SNX32: variants seen among roughly 807,000 people sequenced by gnomAD.
SNX32 encodes sorting nexin-32.
In SNX32, 58 loss-of-function variants were observed where a neutral mutation model predicts 57.0. That is an observed-to-expected ratio of 1.02 (90% CI 0.82 to 1.27). The LOEUF (loss-of-function observed/expected upper bound fraction) is 1.27. Among genes scored for constraint, SNX32 ranks in the 50% most tolerant of loss-of-function variants. The pLI is 0.00. For missense variants in SNX32, 589 were observed against 541.2 expected, an observed-to-expected ratio of 1.09 and a Z score of -0.88; for synonymous variants, 262 against 220.4, an observed-to-expected ratio of 1.19 and a Z score of -1.67.
chr11:65,851,279 G>A (rs1320747923), intron 7 of SNX32, 49 bp from the exon 8 acceptor site: 3 of 1,609,920 alleles, frequency 1.9e-6, no homozygotes, highest in South Asian at 1.1e-5. Context: ...CAAGCACCAA[G>A]GCTTGACATG....
Position 65,852,778 on chromosome 11 carries a change from C to T in SNX32, c.1061C>T (p.Ser354Phe). 1 of 1,610,070 alleles carries T rather than the reference C, an allele frequency of 6.2e-7. No homozygotes were observed. The highest frequency in any genetic ancestry group is 8.5e-7 in the Non-Finnish European group (1 of 1,178,154). The change falls in exon 11 of 13, where the codon TCC (serine) becomes TTC (phenylalanine). Residue 354 changes from serine (S) to phenylalanine (F), a missense_variant. Ser to Phe is a radical substitution (Grantham distance 155). Coordinates refer to ENST00000308342, the MANE Select transcript of SNX32 (RefSeq NM_152760.3). ...CAACGCTTCGAGCGCCTCTCCGACT[C>T]CGCCAAGCAAGGTGAGCCCGCAGCC... ...CCQRFERLSDSAKQELMDFKS... is the reference protein window; with the variant it reads ...CCQRFERLSDFAKQELMDFKS...
At position 65,849,426 on chromosome 11, in the gene SNX32, A is replaced by G. The variant is rs1859092410; in HGVS notation, c.37-52A>G. On this transcript the variant is annotated intron_variant, in intron 1 of 12. Coordinates refer to ENST00000308342, the MANE Select transcript of SNX32 (RefSeq NM_152760.3). The stretch of plus-strand genomic sequence containing the variant: ...GGATCAGAAAGCCTGCAGGGCAAGG[A>G]AGGGCAAAGGGGCCATGCTCAGCCA... The G allele has an allele frequency of 4.2e-6, 6 of 1,427,478 alleles. No individual in the cohort carries two copies. The Admixed American group carries it at 9.3e-5, about 22-fold the overall frequency. The allele number at this position is 1,427,478 out of a possible 1,614,324, so 88.4% of individuals were successfully genotyped here. A position where few individuals can be genotyped will look rare whatever the true frequency, so the allele number is the denominator to read the frequency against.
Position 65,851,056 on chromosome 11 carries a change from A to T in SNX32, c.605A>T (p.Glu202Val), listed in dbSNP as rs1011761910. The T allele has an allele frequency of 1.2e-6, 2 of 1,613,342 alleles. No homozygotes were observed. Among genetic ancestry groups the T allele is most frequent in the Admixed American group, 1.7e-5 (1 of 60,026 alleles). The change falls in exon 7 of 13, where the codon GAG (glutamate) becomes GTG (valine). Residue 202 changes from glutamate (E) to valine (V), a missense_variant and splice_region_variant. Coordinates refer to ENST00000308342, the MANE Select transcript of SNX32 (RefSeq NM_152760.3). ...ALITGMSGLK[E>V]VDDFFEHERT... is the part of the protein sequence containing the mutation. The stretch of plus-strand genomic sequence containing the variant: ...TGGGGTCCTGCCTGGCTCCCTTAGG[A>T]GGTGGATGACTTCTTTGAGCATGAG...
intron 2 of SNX32, 155 bp downstream of exon 2, chr11:65,849,737 C>A: frequency 1.3e-6 from 1 of 785,750 alleles, no homozygotes; most frequent in Non-Finnish European, 2.1e-6. Flanking sequence ...CCTCTTAGCT[C>A]TGCCTAAGGC....
In SNX32 at chr11:65,853,333, T is replaced by TA. The variant is rs558802687; in HGVS notation, c.1211dup (p.Ter404=). Residue 404 remains the stop codon, a frameshift_variant and stop_retained_variant, in exon 13 of 13, where the codon TAG becomes TAAG. Transcript: ENST00000308342. LOFTEE classifies it high-confidence loss of function. ...NTLVALKGEP[*] ...CCTTGTTGCCCTAAAGGGGGAGCCT[T>TA]AGAGTAGCCAGAGCTCAGCCAGACC... 108 of 1,613,992 alleles carry TA rather than the reference T, an allele frequency of 6.7e-5. No individual in the cohort carries two copies. The African/African-American group carries it at 1.2e-3, about 18-fold the overall frequency.
chr11:65,839,223 G>GTTTTTTTTTTT lies in SNX32; in HGVS notation c.36+5123_36+5124insTTTTTTTTTTT, dbSNP rs755185237. 8.8e-3 allele frequency among the ~76,000 whole-genome samples: 202 copies of GTTTTTTTTTTT among 23,014 alleles called. 33 individuals are homozygous for GTTTTTTTTTTT. Among genetic ancestry groups the GTTTTTTTTTTT allele is most frequent in the African/African-American group, 0.011 (55 of 4,948 alleles). 15.1% of individuals were successfully genotyped at this position (23,014 alleles called of 152,430 possible). A position where few individuals can be genotyped will look rare whatever the true frequency, so the allele number is the denominator to read the frequency against. On this transcript the variant is annotated intron_variant, in intron 1 of 12. Transcript: ENST00000308342. ...CCCACCACGCCCAGCTAATTTTTTTGTATTTTTTTTTTTTTTTTTTTTTTG... is the reference window on the plus strand; with the variant it reads ...CCCACCACGCCCAGCTAATTTTTTTGTTTTTTTTTTTTATTTTTTTTTTTTTTTTTTTTTTG...
At chr11:65,835,254 A>G (rs1858635626) in intron 1 of SNX32, among the ~76,000 whole-genome samples, 1 of 151,140 alleles carries the variant, frequency 6.6e-6, no homozygotes, top group Non-Finnish European at 1.5e-5. Context: ...CTTTGTCCTT[A>G]CAGATGGAAA....
rs1317789072 is a variant in SNX32 at position 65,853,633 on chromosome 11, G to C, written c.*298G>C. The C allele has an allele frequency of 2.0e-6, 1 of 490,300 alleles. No individual in the cohort carries two copies. Among genetic ancestry groups the C allele is most frequent in the Non-Finnish European group, 3.7e-6 (1 of 270,712 alleles). The allele number at this position is 490,300 out of a possible 1,614,324, so 30.4% of individuals were successfully genotyped here. A position where few individuals can be genotyped will look rare whatever the true frequency, so the allele number is the denominator to read the frequency against. ...AGCCTCTACCCTCACCCATAGCCCT[G>C]AAGGAATCATAGCTCACTTGATCCC... is the stretch of plus-strand genomic sequence containing the variant. On this transcript the variant is annotated 3_prime_UTR_variant, in exon 13 of 13. Coordinates refer to ENST00000308342, the MANE Select transcript of SNX32 (RefSeq NM_152760.3).
At chr11:65,851,904 C>T (rs968808673) in intron 9 of SNX32, among the ~76,000 whole-genome samples, 4 of 152,096 alleles carry the variant, frequency 2.6e-5, no homozygotes, top group Admixed American at 1.3e-4. Flanking sequence ...CATGTATGCA[C>T]GTGTGCAGCA....
chr11:65,841,815 G>A (rs975577348), intron 1 of SNX32, among the ~76,000 whole-genome samples: 3 of 151,928 alleles, frequency 2.0e-5, no homozygotes, highest in African/African-American at 7.2e-5. Flanking sequence ...AAATCTCACA[G>A]AAGACATGCA....
chr11:65,845,014 G>A (rs1398774252), intron 1 of SNX32, among the ~76,000 whole-genome samples: 1 of 150,028 alleles, frequency 6.7e-6, no homozygotes, highest in Non-Finnish European at 1.5e-5. Context: ...AATGTTCATG[G>A]AAGCCAGACA....
rs533004119 is a variant in SNX32, at chr11:65,834,854, G to A, written c.36+753G>A. 6.1e-3 allele frequency among the ~76,000 whole-genome samples: 927 copies of A among 151,204 alleles called. 7 individuals are homozygous for A. The highest frequency in any genetic ancestry group is 0.022 in the African/African-American group (894 of 41,144). On this transcript the variant is annotated intron_variant, in intron 1 of 12. Coordinates refer to ENST00000308342, the MANE Select transcript of SNX32 (RefSeq NM_152760.3). ...TGTGTCTGTGTATTTCTGGGTCTGTGTGTGTGTTTGCATGTGTCTGTGTGT... is the reference window on the plus strand; with the variant it reads ...TGTGTCTGTGTATTTCTGGGTCTGTATGTGTGTTTGCATGTGTCTGTGTGT...
chr11:65,841,227 C>T (rs1379596755), intron 1 of SNX32, among the ~76,000 whole-genome samples: 2 of 151,180 alleles, frequency 1.3e-5, no homozygotes, highest in South Asian at 2.1e-4. Context: ...GCCACCTCGC[C>T]TGGACTTTTT....
chr11:65,849,840 G>A, intron 2 of SNX32, 80 bp from the exon 3 acceptor site: 2 of 1,150,572 alleles, frequency 1.7e-6, no homozygotes, highest in Non-Finnish European at 2.5e-6. Flanking sequence ...GGATGAGGGG[G>A]GCCCAAAAGT....
chr11:65,836,402 G>C (rs1858669139), intron 1 of SNX32, among the ~76,000 whole-genome samples: 1 of 152,114 alleles, frequency 6.6e-6, no homozygotes, highest in African/African-American at 2.4e-5. Context: ...AAATTGGCCA[G>C]ACGTGGTGGT....
Position 65,853,583 on chromosome 11 carries a change from A to C in SNX32, c.*248A>C, listed in dbSNP as rs1591043970. 1 of 576,240 alleles carries C rather than the reference A, an allele frequency of 1.7e-6. No individual in the cohort carries two copies. The highest frequency in any genetic ancestry group is 3.1e-6 in the Non-Finnish European group (1 of 322,342). The allele number at this position is 576,240 out of a possible 1,614,324, so 35.7% of individuals were successfully genotyped here. On this transcript the variant is annotated 3_prime_UTR_variant, in exon 13 of 13. Coordinates refer to ENST00000308342, the MANE Select transcript of SNX32 (RefSeq NM_152760.3). ...TCAGCAGAGCCCCAGGGACCCTGAC[A>C]CCTCTCCCCAGGAAGCTGAGGAACA...
In SNX32 at chr11:65,851,134, C is replaced by T. The variant is rs766224048; in HGVS notation, c.683C>T (p.Ala228Val). 35 of 1,612,954 alleles carry T rather than the reference C, an allele frequency of 2.2e-5. No individual in the cohort carries two copies. Among genetic ancestry groups the T allele is most frequent in the Non-Finnish European group, 2.8e-5 (33 of 1,180,008 alleles). Residue 228 changes from alanine to valine, a missense_variant, in exon 7 of 13, where the codon GCC (alanine) becomes GTC (valine). Transcript: ENST00000308342. The stretch of plus-strand genomic sequence containing the variant: ...CGTATCCGAGATGCCTGCCTGCGGG[C>T]CGACCGCGTCATGCGCGCCCACAAG... ...HTRIRDACLR[A>V]DRVMRAHKCL... is the part of the protein sequence containing the mutation.
chr11:65,847,763 A>G (rs956694440), intron 1 of SNX32, among the ~76,000 whole-genome samples: 8 of 152,172 alleles, frequency 5.3e-5, no homozygotes, highest in South Asian at 2.1e-4. Context: ...TACAAAAATT[A>G]GCTGGGAGTG....
chr11:65,849,491 C>G lies in SNX32; in HGVS notation c.50C>G (p.Ser17Trp), dbSNP rs772004443. 4 of 1,611,732 alleles carry G rather than the reference C, an allele frequency of 2.5e-6. No individual in the cohort carries two copies. The highest frequency in any genetic ancestry group is 1.1e-5 in the South Asian group (1 of 90,702). Reference sequence around the variant, plus strand: ...CCTCCTCCGCAGCCTTCCTGTGCATCGGTGGATCTGCAGGGAGACAGCTCC... The same window carrying G: ...CCTCCTCCGCAGCCTTCCTGTGCATGGGTGGATCTGCAGGGAGACAGCTCC... ...VGKEGKPSCA[S>W]VDLQGDSSLQ... The change falls in exon 2 of 13, where the codon TCG (serine) becomes TGG (tryptophan). Residue 17 changes from serine (S) to tryptophan (W), a missense_variant. Physicochemically the swap from Ser to Trp is radical, Grantham distance 177. Transcript: ENST00000308342.
Sources: gnomAD v4.1 joint callset for allele counts (sites outside exome capture counted in the v4.1 genomes callset) on GRCh38, gnomAD v4.1.1 for gene constraint, MANE v1.5 for transcripts, NCBI Gene and HGNC (gene_info 2026-07-23, HGNC 2026-07-21) for gene names.